GNAO1: variants seen among roughly 807,000 people sequenced by gnomAD.
GNAO1 encodes guanine nucleotide-binding protein G(o) subunit alpha.
For synonymous variants in GNAO1, 164 were observed against 180.7 expected (o/e 0.91, Z 0.74); for missense variants, 166 against 478.7 (o/e 0.35, Z 6.10).
intron 6 of GNAO1, chr16:56,343,735 C>T (rs1164440312): frequency 6.3e-7 from 1 of 1,593,232 alleles, no homozygotes; most frequent in East Asian, 2.3e-5. Flanking sequence ...CCTCTCGCCT[C>T]ACCACACCTT....
chr16:56,346,085 C>G (rs1259788338), intron 6 of GNAO1: 3 of 985,530 alleles, frequency 3.0e-6, no homozygotes, highest in Admixed American at 6.1e-5. Context: ...CTGCCTTTCT[C>G]TTCCTTTGGA....
intron 3 of GNAO1, among the ~76,000 whole-genome samples, chr16:56,327,177 G>T (rs2037641653): frequency 6.6e-6 from 1 of 152,052 alleles, no homozygotes; most frequent in South Asian, 2.1e-4. Flanking sequence ...CCCAGGGCAG[G>T]CTCCACTCTG....
intron 2 of GNAO1, among the ~76,000 whole-genome samples, chr16:56,275,101 G>A (rs1244174247): frequency 6.6e-6 from 1 of 152,244 alleles, no homozygotes; most frequent in African/African-American, 2.4e-5. Flanking sequence ...TATGACCACA[G>A]AAGAGTTTAC....
At chr16:56,295,220 A>G (rs2037273929) in intron 3 of GNAO1, among the ~76,000 whole-genome samples, 1 of 152,168 alleles carries the variant, frequency 6.6e-6, no homozygotes, top group Non-Finnish European at 1.5e-5. Flanking sequence ...GTCTGCAGAT[A>G]AAGAAGTGAT....
At chr16:56,212,516 G>C (rs1178152855) in intron 2 of GNAO1, among the ~76,000 whole-genome samples, 1 of 151,500 alleles carries the variant, frequency 6.6e-6, no homozygotes, top group African/African-American at 2.4e-5. Flanking sequence ...GTTCTGCTCT[G>C]AATCTGCGAT....
rs996342022 is a variant in GNAO1, at chr16:56,247,582, C to T, written c.162-28349C>T. Among the ~76,000 whole-genome samples, 6 of 147,784 alleles carry T rather than the reference C, an allele frequency of 4.1e-5. No homozygotes were observed. In the Admixed American group the frequency reaches 4.2e-4, roughly 10 times the overall value. ...TTTGAATTTGTAGGGCCTAGTAGAG[C>T]ATCTTGTGCATACATAATAGGTCCT... On this transcript the variant is annotated intron_variant, in intron 2 of 8. Transcript: ENST00000262493.
chr16:56,254,149 G>A (rs571881272), intron 2 of GNAO1, among the ~76,000 whole-genome samples: 27 of 152,048 alleles, frequency 1.8e-4, no homozygotes, highest in Non-Finnish European at 2.9e-4. Context: ...AAGTGATTCA[G>A]GTCCCAACAA....
intron 2 of GNAO1, among the ~76,000 whole-genome samples, chr16:56,253,594 G>A (rs1422714935): frequency 6.6e-6 from 1 of 152,242 alleles, no homozygotes; most frequent in Admixed American, 6.5e-5. Context: ...TCTGTTTGGT[G>A]TTGGTAGGTG....
At chr16:56,221,249 AT>A (rs58261214) in intron 2 of GNAO1, among the ~76,000 whole-genome samples, 21,535 of 151,842 alleles carry the variant, frequency 0.14, 2,058 homozygotes, top group African/African-American at 0.27. Context: ...AATCTCAGGT[AT>A]TTTTTTTATA....
intron 3 of GNAO1, among the ~76,000 whole-genome samples, chr16:56,279,336 C>T (rs1020246103): frequency 3.9e-5 from 6 of 152,146 alleles, no homozygotes; most frequent in African/African-American, 7.2e-5. Flanking sequence ...CTTGGGGCCC[C>T]GTGACTGTGC....
chr16:56,354,547 G>A lies in GNAO1; in HGVS notation c.878-319G>A, dbSNP rs1473465901. On this transcript the variant is annotated intron_variant, in intron 7 of 8. Coordinates refer to ENST00000262493, the MANE Select transcript of GNAO1 (RefSeq NM_020988.3). This position sits in a 1 kb window ranked among gnomAD's most constrained non-coding sequence, Gnocchi z 4.3. ...AAAAATTAGCTGGGCGTGGTGGCAC[G>A]CGCCTGTATTACCAGCTACTCAGGA... Among the ~76,000 whole-genome samples, 9 of 152,140 alleles carry A rather than the reference G, an allele frequency of 5.9e-5. No homozygotes were observed. The highest frequency in any genetic ancestry group is 9.7e-5 in the African/African-American group (4 of 41,434).
chr16:56,217,042 A>G (rs1460952012), intron 2 of GNAO1, among the ~76,000 whole-genome samples: 2 of 152,244 alleles, frequency 1.3e-5, no homozygotes, highest in African/African-American at 4.8e-5. Flanking sequence ...GAGAGAGGAC[A>G]TCTTTATTGG....
At chr16:56,328,819 G>A (rs377010835) in intron 4 of GNAO1, 28 bp downstream of exon 4, 68 of 1,609,928 alleles carry the variant, frequency 4.2e-5, no homozygotes, top group Non-Finnish European at 5.6e-5. Flanking sequence ...CGCATGGCCT[G>A]GAGCCGGGCA....
intron 6 of GNAO1, chr16:56,347,056 A>G (rs1349813177): frequency 1.0e-6 from 1 of 985,188 alleles, no homozygotes; most frequent in Non-Finnish European, 1.2e-6. Context: ...TTTATTTCTC[A>G]GTCTGACCTG....
intron 6 of GNAO1, among the ~76,000 whole-genome samples, chr16:56,338,791 G>T (rs1319556802): frequency 6.6e-6 from 1 of 152,088 alleles, no homozygotes; most frequent in East Asian, 1.9e-4. Flanking sequence ...GCAGCCCATG[G>T]GTCCCCAGTG....
intron 2 of GNAO1, among the ~76,000 whole-genome samples, chr16:56,234,001 C>G (rs1296083030): frequency 6.6e-6 from 1 of 152,228 alleles, no homozygotes; most frequent in Non-Finnish European, 1.5e-5. Flanking sequence ...TTGCCCCCAG[C>G]CTCTCTACCT....
chr16:56,240,612 A>C (rs1343910030), intron 2 of GNAO1, among the ~76,000 whole-genome samples: 1 of 151,902 alleles, frequency 6.6e-6, no homozygotes, highest in African/African-American at 2.4e-5. Flanking sequence ...AATTTTTCCC[A>C]TTTCTCTCAA....
At chr16:56,228,421 ATATG>A (rs1213777175) in intron 2 of GNAO1, among the ~76,000 whole-genome samples, 1 of 151,658 alleles carries the variant, frequency 6.6e-6, no homozygotes, top group African/African-American at 2.4e-5. Context: ...GTGTGTGTAT[ATATG>A]TGAGTGTGTG....
At chr16:56,200,910 A>G (rs188514611) in intron 2 of GNAO1, among the ~76,000 whole-genome samples, 2 of 152,218 alleles carry the variant, frequency 1.3e-5, no homozygotes, top group South Asian at 2.1e-4. Context: ...TCAGATTGCA[A>G]CAGAGAGAAG....
Sources: allele counts gnomAD v4.1 joint callset (sites outside exome capture counted in the v4.1 genomes callset), GRCh38; gene constraint gnomAD v4.1.1; non-coding constraint Gnocchi (gnomAD v3.1); transcripts MANE v1.5; gene names NCBI Gene and HGNC (gene_info 2026-07-23, HGNC 2026-07-21).